Variants in ZNF804B observed in about 807,000 individuals in gnomAD.
The protein encoded by ZNF804B is zinc finger 804B.
ZNF804B carries 80 observed loss-of-function variants against 101.4 expected under a neutral mutation model. That is an observed-to-expected ratio of 0.79 (90% CI 0.66 to 0.95). The LOEUF (loss-of-function observed/expected upper bound fraction) is 0.95, where lower values mean the gene tolerates loss of function less well. ZNF804B is among the 40% of genes least tolerant of loss of function. The pLI, the probability that ZNF804B is intolerant of heterozygous loss-of-function variation, is 0.00. For synonymous variants in ZNF804B, 622 were observed against 558.8 expected, an observed-to-expected ratio of 1.11 and a Z score of -1.59; for missense variants, 1,673 against 1,561.9, an observed-to-expected ratio of 1.07 and a Z score of -1.20.
intron 1 of ZNF804B, among the ~76,000 whole-genome samples, chr7:89,027,413 A>T (rs2116225673): frequency 6.6e-6 from 1 of 152,316 alleles, no homozygotes; most frequent in African/African-American, 2.4e-5. Context: ...AAAACAAAAC[A>T]AAACAAAAAG....
rs201400852 is a variant in ZNF804B, at chr7:88,993,021, T to G, written c.109-225134T>G. 6.6e-5 allele frequency among the ~76,000 whole-genome samples: 10 copies of G among 152,064 alleles called. No individual in the cohort carries two copies. In the East Asian group the frequency reaches 1.9e-3, roughly 29 times the overall value. On this transcript the variant is annotated intron_variant, in intron 1 of 3. Transcript: ENST00000333190. Reference sequence around the variant, plus strand: ...AGTGATATTACAAAGATCACATATTTTATTAAAAGAAAAAAGCAGCACAAC... The same window carrying G: ...AGTGATATTACAAAGATCACATATTGTATTAAAAGAAAAAAGCAGCACAAC...
At position 89,335,216 on chromosome 7, in the gene ZNF804B, G is replaced by A. The variant is rs780574926; in HGVS notation, c.2234G>A (p.Arg745Lys). Residue 745 changes from arginine to lysine, a missense_variant, in exon 4 of 4, where the codon AGA (arginine) becomes AAA (lysine). Coordinates refer to ENST00000333190, the MANE Select transcript of ZNF804B (RefSeq NM_181646.5). ...GGTAATTTGCTCTGCTTCCATAAAA[G>A]AGAACACCACTCAGTTGAAAGGCAC... is the stretch of plus-strand genomic sequence containing the variant. The part of the protein sequence containing the change: ...SRGNLLCFHK[R>K]EHHSVERHKR... The A allele has an allele frequency of 1.9e-6, 3 of 1,613,750 alleles. No individual in the cohort carries two copies. The highest frequency in any genetic ancestry group is 2.2e-5 in the South Asian group (2 of 91,082).
intron 1 of ZNF804B, among the ~76,000 whole-genome samples, chr7:89,154,036 G>GA (rs933168308): frequency 2.6e-4 from 36 of 139,986 alleles, no homozygotes; most frequent in African/African-American, 8.9e-4. Flanking sequence ...AAATCCATAG[G>GA]AAAAAATCTA....
intron 1 of ZNF804B, among the ~76,000 whole-genome samples, chr7:89,063,095 A>G (rs1789402551): frequency 6.6e-6 from 1 of 152,182 alleles, no homozygotes; most frequent in African/African-American, 2.4e-5. Flanking sequence ...AATGTTAGAC[A>G]TGAAAGTAAG....
intron 2 of ZNF804B, among the ~76,000 whole-genome samples, chr7:89,224,712 A>ATGTGTGTG (rs56064065): frequency 2.2e-4 from 32 of 144,074 alleles, no homozygotes; most frequent in African/African-American, 4.4e-4. Flanking sequence ...CTGGCAAAGT[A>ATGTGTGTG]TGTGTGTGTG....
intron 2 of ZNF804B, among the ~76,000 whole-genome samples, chr7:89,316,056 A>T (rs1470370540): frequency 2.0e-5 from 3 of 152,226 alleles, no homozygotes; most frequent in Admixed American, 6.5e-5. Flanking sequence ...ATATTAAAAT[A>T]TTTTCCAAAC....
intron 1 of ZNF804B, among the ~76,000 whole-genome samples, chr7:88,877,008 A>AAAATATATATAT: frequency 1.4e-5 from 1 of 71,224 alleles, no homozygotes; most frequent in South Asian, 4.7e-4. Flanking sequence ...GAAAAAAAAA[A>AAAATATATATAT]TATATATATA....
intron 1 of ZNF804B, among the ~76,000 whole-genome samples, chr7:89,062,450 G>A (rs912500249): frequency 1.1e-4 from 16 of 151,880 alleles, no homozygotes; most frequent in South Asian, 1.0e-3. Flanking sequence ...TCCTCTCTGC[G>A]TTTTCTTGGC....
At chr7:89,037,603 C>T (rs541889658) in intron 1 of ZNF804B, among the ~76,000 whole-genome samples, 6 of 151,314 alleles carry the variant, frequency 4.0e-5, no homozygotes, top group East Asian at 1.9e-4. Flanking sequence ...ATGATTACTA[C>T]GATCAAGCTA....
intron 3 of ZNF804B, among the ~76,000 whole-genome samples, chr7:89,328,540 A>G (rs1756409751): frequency 6.6e-6 from 1 of 151,880 alleles, no homozygotes; most frequent in Admixed American, 6.6e-5. Context: ...TACATTTGGT[A>G]CTGAGCTTTC....
At chr7:89,279,495 A>T (rs1455189226) in intron 2 of ZNF804B, among the ~76,000 whole-genome samples, 1 of 150,884 alleles carries the variant, frequency 6.6e-6, no homozygotes, top group Non-Finnish European at 1.5e-5. Context: ...GGTTTGTCAT[A>T]GATAGCTCTT....
chr7:89,145,000 A>C (rs1790772140), intron 1 of ZNF804B, among the ~76,000 whole-genome samples: 1 of 151,722 alleles, frequency 6.6e-6, no homozygotes, highest in East Asian at 1.9e-4. Flanking sequence ...CAGCTACTTG[A>C]GAGGTTGAGA....
chr7:89,282,232 A>G (rs1418168771), intron 2 of ZNF804B, among the ~76,000 whole-genome samples: 1 of 151,536 alleles, frequency 6.6e-6, no homozygotes, highest in Non-Finnish European at 1.5e-5. Context: ...TAACTTAAAC[A>G]GTGGCAAAGC....
intron 1 of ZNF804B, among the ~76,000 whole-genome samples, chr7:89,176,374 C>G (rs1485000776): frequency 6.6e-6 from 1 of 151,822 alleles, no homozygotes; most frequent in Non-Finnish European, 1.5e-5. Context: ...GTTTTTCATT[C>G]TGTTGATATG....
intron 2 of ZNF804B, among the ~76,000 whole-genome samples, chr7:89,261,661 A>G (rs759169582): frequency 2.6e-5 from 4 of 152,226 alleles, no homozygotes; most frequent in African/African-American, 9.6e-5. Flanking sequence ...TCTATATGGT[A>G]TAGCCTGTTA....
intron 1 of ZNF804B, among the ~76,000 whole-genome samples, chr7:88,820,289 A>G (rs1790956821): frequency 6.6e-6 from 1 of 152,206 alleles, no homozygotes; most frequent in African/African-American, 2.4e-5. Flanking sequence ...AGACTTTTTT[A>G]TGGTATGGGT....
chr7:89,139,728 C>G (rs977237492), intron 1 of ZNF804B, among the ~76,000 whole-genome samples: 42 of 152,092 alleles, frequency 2.8e-4, no homozygotes, highest in African/African-American at 9.7e-4. Flanking sequence ...GCTTGTAGTT[C>G]TAATTCTCTT....
chr7:88,961,399 T>G (rs887131640), intron 1 of ZNF804B, among the ~76,000 whole-genome samples: 1 of 151,416 alleles, frequency 6.6e-6, no homozygotes. Flanking sequence ...GTGTAATTTA[T>G]GAATGTTTAG....
rs1788964371 is a variant in ZNF804B, at chr7:89,219,980, C to CATATGTGTGTGCATATATATGTATATAT, written c.249+1694_249+1695insTGCATATATATGTATATATATATGTGTG. Among the ~76,000 whole-genome samples, 2 of 25,228 alleles carry CATATGTGTGTGCATATATATGTATATAT rather than the reference C, an allele frequency of 7.9e-5. 1 individual carries two copies. The highest frequency in any genetic ancestry group is 3.8e-4 in the African/African-American group (2 of 5,234). The allele number at this position is 25,228 out of a possible 152,430, so 16.6% of individuals were successfully genotyped here. A position where few individuals can be genotyped will look rare whatever the true frequency, so the allele number is the denominator to read the frequency against. ...ATATGTGTGCATATATATGTATATA[C>CATATGTGTGTGCATATATATGTATATAT]ATATGTGTGCATATATGTATATGCA... On this transcript the variant is annotated intron_variant, in intron 2 of 3. Coordinates refer to ENST00000333190, the MANE Select transcript of ZNF804B (RefSeq NM_181646.5).
Sources: allele counts gnomAD v4.1 joint callset (sites outside exome capture counted in the v4.1 genomes callset), GRCh38; gene constraint gnomAD v4.1.1; transcripts MANE v1.5; gene names NCBI Gene and HGNC (gene_info 2026-07-23, HGNC 2026-07-21).